The following RAP1GAP variants were observed in gnomAD, a reference collection of about 807,000 sequenced individuals.
RAP1GAP encodes the protein rap1 GTPase-activating protein 1.
Under a neutral mutation model 87.2 loss-of-function variants are expected in RAP1GAP, and 35 were observed. The observed-to-expected ratio is 0.40, with a 90% CI of 0.31 to 0.53. RAP1GAP has a LOEUF of 0.53. Ranked by LOEUF, RAP1GAP falls within the 20% of genes least tolerant of loss-of-function variation. RAP1GAP has a pLI of 0.48. For synonymous variants in RAP1GAP, 375 were observed against 363.9 expected (o/e 1.03, Z -0.35); for missense variants, 734 against 898.9 (o/e 0.82, Z 2.35).
chr1:21,660,339 C>CCATATATA (rs1553503814), intron 1 of RAP1GAP, among the ~76,000 whole-genome samples: 10 of 52,854 alleles, frequency 1.9e-4, no homozygotes, highest in South Asian at 6.5e-4. Context: ...TCCAACTCAG[C>CCATATATA]TATATATATT....
chr1:21,617,275 G>T, intron 7 of RAP1GAP, 31 bp downstream of exon 7: 1 of 1,550,986 alleles, frequency 6.4e-7, no homozygotes. Context: ...ACCCACCCCA[G>T]CCAGCCCCGC....
intron 2 of RAP1GAP, among the ~76,000 whole-genome samples, chr1:21,630,725 T>G (rs545635517): frequency 1.3e-5 from 2 of 151,352 alleles, no homozygotes; most frequent in Non-Finnish European, 2.9e-5. Context: ...AAATAAATTT[T>G]TTGTTGTTGT....
rs753892233 is a variant in RAP1GAP at position 21,609,715 on chromosome 1, C to T, written c.1000-69G>A. On this transcript the variant is annotated intron_variant, in intron 14 of 24. Coordinates refer to ENST00000374765, the MANE Select transcript of RAP1GAP (RefSeq NM_002885.4). The surrounding 1 kb of genome is among the most constrained non-coding windows in gnomAD (Gnocchi z 4.4). ...TGCTCTGCCCCACCCAGCCAGAAAC[C>T]CCTACTGTGCCTCCCTGGACTGCCC... The T allele has an allele frequency of 1.7e-6, 2 of 1,197,248 alleles. No individual in the cohort carries two copies. Among genetic ancestry groups the T allele is most frequent in the Admixed American group, 2.4e-5 (1 of 41,564 alleles). 74.2% of individuals were successfully genotyped at this position (1,197,248 alleles called of 1,614,324 possible).
chr1:21,663,927 C>T (rs905943600), intron 1 of RAP1GAP, among the ~76,000 whole-genome samples: 2 of 152,186 alleles, frequency 1.3e-5, no homozygotes, highest in Admixed American at 6.5e-5. Context: ...ACTGCAATTC[C>T]CCCAGAGATA....
chr1:21,611,927 G>A, intron 11 of RAP1GAP, 99 bp downstream of exon 11: 2 of 1,483,888 alleles, frequency 1.3e-6, no homozygotes, highest in Non-Finnish European at 1.9e-6. Context: ...CAGCCCCTGG[G>A]CTCCTGAGTC....
At chr1:21,662,547 G>A (rs1016811062) in intron 1 of RAP1GAP, among the ~76,000 whole-genome samples, 3 of 152,066 alleles carry the variant, frequency 2.0e-5, no homozygotes, top group Non-Finnish European at 4.4e-5. Flanking sequence ...GGGGCACTGG[G>A]CCCCAGGGAT....
intron 3 of RAP1GAP, among the ~76,000 whole-genome samples, chr1:21,624,802 A>ACCC (rs2091117220): frequency 1.3e-5 from 2 of 151,266 alleles, no homozygotes; most frequent in South Asian, 4.2e-4. Context: ...GAGAAGGCCA[A>ACCC]CCCCAGGCTG....
intron 18 of RAP1GAP, among the ~76,000 whole-genome samples, chr1:21,604,791 GGAT>G (rs2072669144): frequency 1.3e-5 from 2 of 151,600 alleles, no homozygotes; most frequent in Admixed American, 1.3e-4. Flanking sequence ...ATGGATGGAT[GGAT>G]GGATCGGTGG....
At chr1:21,601,567 C>A in intron 20 of RAP1GAP, 117 bp downstream of exon 20, 1 of 678,930 alleles carries the variant, frequency 1.5e-6, no homozygotes, top group South Asian at 3.1e-5. Context: ...CCAGGTCCCC[C>A]TGACACCCTG....
At chr1:21,624,335 A>T (rs72660334) in intron 3 of RAP1GAP, among the ~76,000 whole-genome samples, 5,240 of 152,328 alleles carry the variant, frequency 0.034, 135 homozygotes, top group Non-Finnish European at 0.052. Context: ...TTTCCAAAGT[A>T]CTTTCACCCA....
chr1:21,609,756 C>G lies in RAP1GAP; in HGVS notation c.1000-110G>C, dbSNP rs941017884. On this transcript the variant is annotated intron_variant, in intron 14 of 24. Transcript: ENST00000374765. The surrounding 1 kb of genome is among the most constrained non-coding windows in gnomAD (Gnocchi z 4.4). The stretch of plus-strand genomic sequence containing the variant: ...TGGACTGCCCCTTGGTCGGGGAGAC[C>G]CAGTGACTGTGGGCTGGATGAATCT... The G allele has an allele frequency of 1.3e-6, 1 of 783,848 alleles. No individual in the cohort carries two copies. Among genetic ancestry groups the G allele is most frequent in the African/African-American group, 1.8e-5 (1 of 56,642 alleles). 48.6% of individuals were successfully genotyped at this position (783,848 alleles called of 1,614,324 possible).
intron 1 of RAP1GAP, among the ~76,000 whole-genome samples, chr1:21,652,283 C>T (rs2096638861): frequency 6.6e-6 from 1 of 152,196 alleles, no homozygotes; most frequent in Non-Finnish European, 1.5e-5. Flanking sequence ...CCCTCCCTGT[C>T]CCTCGACTTT....
intron 7 of RAP1GAP, 134 bp downstream of exon 7, chr1:21,617,172 A>C: frequency 1.0e-6 from 1 of 985,006 alleles, no homozygotes; most frequent in Non-Finnish European, 1.5e-6. Flanking sequence ...GTGTGGTGGG[A>C]GCACATTCAC....
At position 21,613,476 on chromosome 1, in the gene RAP1GAP, A is replaced by ACG; in HGVS notation, c.474+150_474+151dup. 1 of 818,066 alleles carries ACG rather than the reference A, an allele frequency of 1.2e-6. No individual in the cohort carries two copies. Among genetic ancestry groups the ACG allele is most frequent in the South Asian group, 1.5e-5 (1 of 65,098 alleles). 50.7% of individuals were successfully genotyped at this position (818,066 alleles called of 1,614,324 possible). On this transcript the variant is annotated intron_variant, in intron 9 of 24. Transcript: ENST00000374765. The surrounding 1 kb of genome is among the most constrained non-coding windows in gnomAD (Gnocchi z 4.7). Reference sequence around the variant, plus strand: ...AGGAGAACACGTGGCAGCCCAAGACACGATGGGAACAAGTGAGAGACAGCC... The same window carrying ACG: ...AGGAGAACACGTGGCAGCCCAAGACACGCGATGGGAACAAGTGAGAGACAGCC...
chr1:21,608,086 C>A, intron 17 of RAP1GAP, 127 bp downstream of exon 17: 1 of 1,397,796 alleles, frequency 7.2e-7, no homozygotes, highest in South Asian at 1.4e-5. Flanking sequence ...GGACTCCACC[C>A]CCTCAGCCAC....
At position 21,605,125 on chromosome 1, in the gene RAP1GAP, A is replaced by T. The variant is rs544920282; in HGVS notation, c.1428+941T>A. ...GTGGGTGCAGTGTCCTGGGGTGGCC[A>T]CTAGGCAGTGGACAGCAGTGAGGCC... On this transcript the variant is annotated intron_variant, in intron 18 of 24. Coordinates refer to ENST00000374765, the MANE Select transcript of RAP1GAP (RefSeq NM_002885.4). 3.9e-5 allele frequency among the ~76,000 whole-genome samples: 6 copies of T among 152,240 alleles called. No homozygotes were observed. In the East Asian group the frequency reaches 1.2e-3, roughly 29 times the overall value.
chr1:21,643,996 C>T (rs2095793534), intron 2 of RAP1GAP, among the ~76,000 whole-genome samples: 1 of 152,200 alleles, frequency 6.6e-6, no homozygotes, highest in Admixed American at 6.5e-5. Context: ...GGCAAGAGTC[C>T]TCTCTTCATG....
chr1:21,661,112 C>T (rs1033620637), intron 1 of RAP1GAP, among the ~76,000 whole-genome samples: 4 of 152,058 alleles, frequency 2.6e-5, no homozygotes, highest in African/African-American at 7.2e-5. Context: ...ATTAGCTGGG[C>T]GTAGTGGTGC....
chr1:21,611,364 G>GCC, intron 13 of RAP1GAP, 88 bp downstream of exon 13: 1 of 1,493,106 alleles, frequency 6.7e-7, no homozygotes, highest in Non-Finnish European at 9.0e-7. Flanking sequence ...AGGGCCCAGC[G>GCC]CTGAGCCTGG....
Sources: gnomAD v4.1 joint callset for allele counts (sites outside exome capture counted in the v4.1 genomes callset) on GRCh38, gnomAD v4.1.1 for gene constraint, Gnocchi (gnomAD v3.1) non-coding constraint, MANE v1.5 for transcripts, NCBI Gene and HGNC (gene_info 2026-07-23, HGNC 2026-07-21) for gene names.